FAM9A: variants seen among roughly 807,000 people sequenced by gnomAD.
FAM9A encodes the protein family with sequence similarity 9 member A.
FAM9A carries 49 observed loss-of-function variants against 25.0 expected under a neutral mutation model. That is an observed-to-expected ratio of 1.96 (90% CI 1.56 to 2.48). The LOEUF is 2.48. Among genes scored for constraint, FAM9A ranks in the 30% most tolerant of loss-of-function variants. The pLI is 0.00. For synonymous variants in FAM9A, 80 were observed against 85.1 expected (o/e 0.94, Z 0.33); for missense variants, 266 against 249.3 (o/e 1.07, Z -0.45).
At chrX:8,791,451 T>C in intron 8 of FAM9A, 72 bp from the exon 9 acceptor site, 5 of 787,822 alleles carry the variant, frequency 6.3e-6, no homozygotes, top group Non-Finnish European at 8.9e-6. Flanking sequence ...GTTAATCAGA[T>C]GTCAAAAGGA....
At position 8,795,212 on chromosome X, in the gene FAM9A, TCTC is replaced by T. The variant is rs112582194; in HGVS notation, c.694_696del (p.Glu232del). ...TCTCCTTCTTCTTCCTCCTCTTCTT[TCTC>T]CTCCTCCTCCTCCTTCTCTTCCTCC... On this transcript the variant is annotated inframe_deletion, in exon 7 of 10. Transcript: ENST00000381003. The T allele has an allele frequency of 5.0e-3, 5,279 of 1,061,126 alleles. 18 individuals carry two copies. The highest frequency in any genetic ancestry group is 6.2e-3 in the Non-Finnish European group (4,857 of 785,385). The allele number at this position is 1,061,126 out of a possible 1,213,427, so 87.4% of individuals were successfully genotyped here.
chrX:8,794,971 T>G (rs1933509678), intron 7 of FAM9A, 107 bp downstream of exon 7: 2 of 1,095,943 alleles, frequency 1.8e-6, no homozygotes, highest in African/African-American at 3.7e-5. Flanking sequence ...TGGGCCCCCC[T>G]CTCTGGGCTC....
chrX:8,794,289 A>G (rs1933501354), intron 7 of FAM9A, among the ~76,000 whole-genome samples: 1 of 111,376 alleles, frequency 9.0e-6, no homozygotes, highest in African/African-American at 3.3e-5. Context: ...TGACTGCAAC[A>G]TCTACATAAT....
Position 8,791,349 on chromosome X carries a change from T to C in FAM9A, c.961A>G (p.Ile321Val), listed in dbSNP as rs1293760175. 2 of 1,206,709 alleles carry C rather than the reference T, an allele frequency of 1.7e-6. No homozygotes were observed. Among genetic ancestry groups the C allele is most frequent in the South Asian group, 3.6e-5 (2 of 55,469 alleles). The change falls in exon 9 of 10, where the codon ATC becomes GTC. Residue 321 changes from isoleucine to valine, a missense_variant. By Grantham distance (29) the Ile-to-Val change is conservative. Coordinates refer to ENST00000381003, the MANE Select transcript of FAM9A (RefSeq NM_174951.3). ...TCACTTTCTTCACTGGAAGAAATGA[T>C]GCAATAATTGTCTTTAGTGTCCTTG... ...AAKDTKDNYC[I>V]ISSSEESELD...
At chrX:8,793,605 T>C (rs1161297711) in intron 8 of FAM9A, 53 bp downstream of exon 8, 7 of 993,288 alleles carry the variant, frequency 7.0e-6, no homozygotes, top group Non-Finnish European at 9.9e-6. Flanking sequence ...GACTTTCTTC[T>C]GTTATGCACG....
intron 1 of FAM9A, among the ~76,000 whole-genome samples, chrX:8,800,764 C>T (rs1238842958): frequency 1.5e-5 from 1 of 68,679 alleles, no homozygotes; most frequent in Non-Finnish European, 2.8e-5. Context: ...CCCCACACCC[C>T]TCCCCTCCCC....
In FAM9A at chrX:8,791,179, C is replaced by CAA; in HGVS notation, c.*32-9_*32-8dup. ...GTGCCAACTCTTCCAAAAGCTGTTT[C>CAA]AAAAAAAAATTTAAGTAACTGTGAT... On this transcript the variant is annotated splice_region_variant and splice_polypyrimidine_tract_variant and intron_variant, in intron 9 of 9. Transcript: ENST00000381003. 2 of 567,810 alleles carry CAA rather than the reference C, an allele frequency of 3.5e-6. No homozygotes were observed. The highest frequency in any genetic ancestry group is 5.3e-6 in the Non-Finnish European group (2 of 380,282). 46.8% of individuals were successfully genotyped at this position (567,810 alleles called of 1,213,427 possible).
chrX:8,799,416 C>T (rs2020414), intron 2 of FAM9A, among the ~76,000 whole-genome samples: 11 of 110,425 alleles, frequency 1.0e-4, no homozygotes, highest in Middle Eastern at 9.6e-3. Context: ...ACCACGGGTG[C>T]CACAGGACCT....
In FAM9A at chrX:8,796,301, A is replaced by G. The variant is rs762087524; in HGVS notation, c.455T>C (p.Ile152Thr). The G allele has an allele frequency of 2.3e-5, 28 of 1,202,829 alleles. No individual in the cohort carries two copies. The highest frequency in any genetic ancestry group is 7.2e-5 in the South Asian group (4 of 55,260). Residue 152 changes from isoleucine to threonine, a missense_variant, in exon 6 of 10, where the codon ATT (isoleucine) becomes ACT (threonine). Transcript: ENST00000381003. ...TTGTTTTTTTTTCAAAGCACGTTCA[A>G]TTGTGTTCTTGGTTTTCCTGTAAGC... ...KAAYRKTKNT[I>T]ERALKKKQLK...
rs773720734 is a variant in FAM9A, at chrX:8,798,316, A to C, written c.341+43T>G. 1.6e-5 allele frequency: 19 copies of C among 1,207,670 alleles called. No homozygotes were observed. In the Admixed American group the frequency reaches 4.2e-4, roughly 27 times the overall value. The stretch of plus-strand genomic sequence containing the variant: ...ACATGAACCAAAGCTGACTTTTCCT[A>C]AAAGACCCTATCCGACAGGCAAAAG... On this transcript the variant is annotated intron_variant, in intron 4 of 9. Transcript: ENST00000381003.
chrX:8,798,858 C>T, intron 3 of FAM9A, 108 bp downstream of exon 3: 2 of 1,139,210 alleles, frequency 1.8e-6, no homozygotes, highest in Non-Finnish European at 2.3e-6. Context: ...TCCAAAGCCA[C>T]GAAGGGGCCA....
chrX:8,791,330 T>C lies in FAM9A; in HGVS notation c.980A>G (p.Glu327Gly), dbSNP rs1449971783. The C allele has an allele frequency of 8.3e-7, 1 of 1,207,805 alleles. No homozygotes were observed. Among genetic ancestry groups the C allele is most frequent in the South Asian group, 1.8e-5 (1 of 55,878 alleles). Residue 327 changes from glutamate to glycine, a missense_variant, in exon 9 of 10, where the codon GAA becomes GGA. By Grantham distance (98) the Glu-to-Gly change is moderately conservative. Transcript: ENST00000381003. Reference protein sequence around the residue: ...DNYCIISSSEESELDN With the variant: ...DNYCIISSSEGSELDN ...ACACGGCTAGTTATCAAGTTCACTT[T>C]CTTCACTGGAAGAAATGATGCAATA...
intron 5 of FAM9A, among the ~76,000 whole-genome samples, chrX:8,797,793 A>G (rs1412494502): frequency 9.0e-6 from 1 of 111,418 alleles, no homozygotes; most frequent in Non-Finnish European, 1.9e-5. Context: ...AAAATAAAAG[A>G]TAAAAAAACC....
chrX:8,791,235 C>A, intron 9 of FAM9A, 45 bp downstream of exon 9: 1 of 917,203 alleles, frequency 1.1e-6, no homozygotes, highest in Non-Finnish European at 1.5e-6. Context: ...TATTCCAGTG[C>A]TTACATCAAT....
In FAM9A at chrX:8,795,322, G is replaced by GCTTCTGCTT. The variant is rs1226025730; in HGVS notation, c.578_586dup (p.Glu193_Glu195dup). On this transcript the variant is annotated inframe_insertion, in exon 7 of 10. Coordinates refer to ENST00000381003, the MANE Select transcript of FAM9A (RefSeq NM_174951.3). ...TGCGGCTTCTGCTGCTGCTGCTGCG[G>GCTTCTGCTT]CTTCTGCTTCTTCTGCTTCATCATC... 2.5e-6 allele frequency: 3 copies of GCTTCTGCTT among 1,205,195 alleles called. No individual in the cohort carries two copies. The highest frequency in any genetic ancestry group is 3.5e-5 in the African/African-American group (2 of 56,677).
rs778065727 is a variant in FAM9A at position 8,799,976 on chromosome X, A to G, written c.91+105T>C. 93 of 821,070 alleles carry G rather than the reference A, an allele frequency of 1.1e-4. 2 individuals are homozygous for G. In the Middle Eastern group the frequency reaches 3.8e-3, roughly 33 times the overall value. The allele number at this position is 821,070 out of a possible 1,213,427, so 67.7% of individuals were successfully genotyped here. A position where few individuals can be genotyped will look rare whatever the true frequency, so the allele number is the denominator to read the frequency against. On this transcript the variant is annotated intron_variant, in intron 2 of 9. Transcript: ENST00000381003. ...CTGCTTTGAAAACCTGGGGCCTCTT[A>G]GCACGTGCATGGTGGACTCCAAAGC...
chrX:8,793,575 C>T, intron 8 of FAM9A, 83 bp downstream of exon 8: 1 of 796,691 alleles, frequency 1.3e-6, no homozygotes. Flanking sequence ...AATGTCTTTC[C>T]ATACATTCGG....
At chrX:8,794,433 G>A (rs760328993) in intron 7 of FAM9A, among the ~76,000 whole-genome samples, 1 of 111,680 alleles carries the variant, frequency 9.0e-6, no homozygotes, top group Non-Finnish European at 1.9e-5. Flanking sequence ...GTCTCCTTTT[G>A]CAGATAAGGA....
chrX:8,796,725 A>G (rs1933538719), intron 5 of FAM9A, among the ~76,000 whole-genome samples: 1 of 112,161 alleles, frequency 8.9e-6, no homozygotes, highest in Admixed American at 9.5e-5. Context: ...TTCAAAGGAC[A>G]TGTTTCCATG....
Sources: gnomAD v4.1 joint callset for allele counts (sites outside exome capture counted in the v4.1 genomes callset) on GRCh38, gnomAD v4.1.1 for gene constraint, MANE v1.5 for transcripts, NCBI Gene and HGNC (gene_info 2026-07-23, HGNC 2026-07-21) for gene names.